IMMP2L: variants seen among roughly 807,000 people sequenced by gnomAD.
The protein encoded by IMMP2L is mitochondrial inner membrane protease subunit 2.
IMMP2L carries 18 observed loss-of-function variants against 19.3 expected under a neutral mutation model. The ratio of observed to expected loss-of-function variants is 0.93; its 90% CI spans 0.64 to 1.38. The LOEUF is 1.38. Among genes scored for constraint, IMMP2L ranks in the 40% most tolerant of loss-of-function variants. IMMP2L has a pLI of 0.00. For missense variants in IMMP2L, 233 were observed against 218.2 expected (o/e 1.07, Z -0.43); for synonymous variants, 76 against 73.0 (o/e 1.04, Z -0.21).
chr7:110,773,097 A>T (rs1250149398), intron 5 of IMMP2L, among the ~76,000 whole-genome samples: 1 of 152,098 alleles, frequency 6.6e-6, no homozygotes, highest in East Asian at 1.9e-4. Flanking sequence ...CAAGACCTAA[A>T]AAAGGGTTCT....
intron 5 of IMMP2L, among the ~76,000 whole-genome samples, chr7:110,781,930 T>C (rs1799773467): frequency 6.6e-6 from 1 of 151,962 alleles, no homozygotes; most frequent in Admixed American, 6.6e-5. Context: ...AATTCTCTTT[T>C]CCAAGAAAGA....
intron 3 of IMMP2L, among the ~76,000 whole-genome samples, chr7:111,414,663 T>G (rs552178722): frequency 2.6e-5 from 4 of 151,882 alleles, no homozygotes; most frequent in African/African-American, 9.7e-5. Flanking sequence ...ATGTATAGAC[T>G]TTAGTTAATA....
Position 111,467,676 on chromosome 7 carries a change from G to T in IMMP2L, c.239+19562C>A, listed in dbSNP as rs1021819577. 2.6e-5 allele frequency among the ~76,000 whole-genome samples: 4 copies of T among 152,174 alleles called. No individual in the cohort carries two copies. The East Asian group carries it at 7.7e-4, about 29-fold the overall frequency. On this transcript the variant is annotated intron_variant, in intron 3 of 5. Transcript: ENST00000405709. ...TTTTGAGAAAAGGACAAAACATTCT[G>T]AGTATATGCAAAAATATTCTAGTTG... is the stretch of plus-strand genomic sequence containing the variant.
At chr7:110,794,345 T>A (rs1800704988) in intron 5 of IMMP2L, among the ~76,000 whole-genome samples, 1 of 152,058 alleles carries the variant, frequency 6.6e-6, no homozygotes, top group Admixed American at 6.6e-5. Context: ...TTTCAAGCCA[T>A]AGAAAGACAT....
At chr7:111,555,720 C>T (rs907954047) in intron 1 of IMMP2L, among the ~76,000 whole-genome samples, 1 of 151,890 alleles carries the variant, frequency 6.6e-6, no homozygotes, top group African/African-American at 2.4e-5. Context: ...TGGCAAAAAG[C>T]AGAATCTATT....
intron 4 of IMMP2L, among the ~76,000 whole-genome samples, chr7:110,941,608 G>A (rs1475374550): frequency 6.6e-6 from 1 of 152,118 alleles, no homozygotes; most frequent in East Asian, 1.9e-4. Flanking sequence ...AAACTTGTGA[G>A]TAATATAAAT....
At chr7:111,444,833 T>A (rs1377345034) in intron 3 of IMMP2L, among the ~76,000 whole-genome samples, 1 of 152,120 alleles carries the variant, frequency 6.6e-6, no homozygotes, top group Non-Finnish European at 1.5e-5. Context: ...TTGGAGTAGA[T>A]ATGCCCCTCT....
At chr7:111,447,819 C>T (rs911632744) in intron 3 of IMMP2L, among the ~76,000 whole-genome samples, 37 of 151,724 alleles carry the variant, frequency 2.4e-4, no homozygotes, top group African/African-American at 8.2e-4. Flanking sequence ...ACCCATCTCA[C>T]GTGCAGAGAC....
chr7:111,339,791 G>A (rs1018733032), intron 3 of IMMP2L, among the ~76,000 whole-genome samples: 1 of 151,940 alleles, frequency 6.6e-6, no homozygotes, highest in African/African-American at 2.4e-5. Flanking sequence ...GGTGAAAATT[G>A]ACTAGTTAGC....
chr7:111,510,993 G>C (rs1845387698), intron 2 of IMMP2L, among the ~76,000 whole-genome samples: 1 of 152,066 alleles, frequency 6.6e-6, no homozygotes, highest in Admixed American at 6.6e-5. Context: ...ACAGAGGAGA[G>C]AGCATGGAGG....
intron 5 of IMMP2L, among the ~76,000 whole-genome samples, chr7:110,855,144 G>C (rs1806629559): frequency 6.6e-6 from 1 of 151,698 alleles, no homozygotes; most frequent in Admixed American, 6.6e-5. Flanking sequence ...AAGAATCAAG[G>C]GAAAAGAAAA....
chr7:110,805,293 G>A (rs1425550192), intron 5 of IMMP2L, among the ~76,000 whole-genome samples: 1 of 152,054 alleles, frequency 6.6e-6, no homozygotes, highest in Non-Finnish European at 1.5e-5. Flanking sequence ...CACAGTACAA[G>A]TCAGTGCTAG....
chr7:111,274,509 T>C (rs891492302), intron 3 of IMMP2L, among the ~76,000 whole-genome samples: 9 of 152,310 alleles, frequency 5.9e-5, no homozygotes, highest in East Asian at 1.9e-4. Context: ...TGATAGGCTA[T>C]TGTTAGATTC....
chr7:111,140,165 G>C (rs1802735715), intron 3 of IMMP2L, among the ~76,000 whole-genome samples: 1 of 152,144 alleles, frequency 6.6e-6, no homozygotes, highest in Non-Finnish European at 1.5e-5. Context: ...GTTGGGGCAA[G>C]AAGGAAAGAG....
chr7:110,856,191 C>T (rs996867688), intron 5 of IMMP2L, among the ~76,000 whole-genome samples: 8 of 151,920 alleles, frequency 5.3e-5, no homozygotes, highest in African/African-American at 1.9e-4. Context: ...TTACTAAAGA[C>T]ACTCATCGTC....
At position 111,432,649 on chromosome 7, in the gene IMMP2L, C is replaced by A. The variant is rs916611869; in HGVS notation, c.239+54589G>T. Among the ~76,000 whole-genome samples, 13 of 151,554 alleles carry A rather than the reference C, an allele frequency of 8.6e-5. 1 individual carries two copies. Among genetic ancestry groups the A allele is most frequent in the African/African-American group, 2.7e-4 (11 of 40,988 alleles). ...AAGTTGAAAGCATTTCCTCTGAGAA[C>A]TGGAAAAGGACAAGAATTCCCACTT... On this transcript the variant is annotated intron_variant, in intron 3 of 5. Transcript: ENST00000405709.
intron 3 of IMMP2L, among the ~76,000 whole-genome samples, chr7:111,227,539 C>A (rs1562947879): frequency 1.3e-5 from 2 of 152,016 alleles, no homozygotes; most frequent in Non-Finnish European, 2.9e-5. Flanking sequence ...ACTGCCTTTG[C>A]CAGTCCCAAA....
intron 3 of IMMP2L, among the ~76,000 whole-genome samples, chr7:111,162,157 GATAA>G (rs1267786117): frequency 6.6e-6 from 1 of 151,922 alleles, no homozygotes; most frequent in Admixed American, 6.6e-5. Context: ...TATATTTATT[GATAA>G]ATAAATTATT....
intron 5 of IMMP2L, among the ~76,000 whole-genome samples, chr7:110,702,718 T>C (rs1794367190): frequency 6.6e-6 from 1 of 152,192 alleles, no homozygotes; most frequent in African/African-American, 2.4e-5. Context: ...CAATTGTTTA[T>C]TGCTAGTATA....
Sources: gnomAD v4.1 joint callset for allele counts (sites outside exome capture counted in the v4.1 genomes callset) on GRCh38, gnomAD v4.1.1 for gene constraint, MANE v1.5 for transcripts, NCBI Gene and HGNC (gene_info 2026-07-23, HGNC 2026-07-21) for gene names.